Variants in ACO1 observed in about 807,000 individuals in gnomAD.
ACO1 encodes aconitase 1, also known as cytoplasmic aconitate hydratase.
A neutral mutation model predicts 105.1 loss-of-function variants in ACO1; 78 were observed. That is an observed-to-expected ratio of 0.74 (90% CI 0.62 to 0.90). The LOEUF is 0.90. ACO1 is among the 40% of genes least tolerant of loss of function. ACO1 has a pLI of 0.00. For synonymous variants in ACO1, 364 were observed against 397.4 expected (o/e 0.92, Z 1.00); for missense variants, 965 against 1,111.1 (o/e 0.87, Z 1.87).
rs1280277480 is a variant in ACO1 at position 32,450,061 on chromosome 9, TTCCTCAACGGGGGCA to T, written c.2629_2643del (p.Gly877_Asn881del). 34 of 1,613,972 alleles carry T rather than the reference TTCCTCAACGGGGGCA, an allele frequency of 2.1e-5. No individual in the cohort carries two copies. The highest frequency in any genetic ancestry group is 4.4e-5 in the South Asian group (4 of 91,092). Reference sequence around the variant, plus strand: ...TGACACTGATGTGGAGCTCACTTATTTCCTCAACGGGGGCATCCTCAACTACATGATCCGCAAGAT... The same window carrying T: ...TGACACTGATGTGGAGCTCACTTATTTCCTCAACTACATGATCCGCAAGAT... On this transcript the variant is annotated inframe_deletion, in exon 21 of 21. Coordinates refer to ENST00000309951, the MANE Select transcript of ACO1 (RefSeq NM_002197.3).
intron 2 of ACO1, among the ~76,000 whole-genome samples, chr9:32,406,312 A>AAT (rs66987852): frequency 0.96 from 145,995 of 152,210 alleles, 70,202 homozygotes; most frequent in Non-Finnish European, 1. Context: ...TACATGTATA[A>AAT]ATATGTTACT....
intron 4 of ACO1, among the ~76,000 whole-genome samples, chr9:32,411,396 A>G (rs1048612812): frequency 4.6e-5 from 7 of 152,258 alleles, no homozygotes; most frequent in African/African-American, 1.4e-4. Flanking sequence ...TGCGTGTCAG[A>G]TGTCTTGATG....
chr9:32,448,801 G>T (rs185994553), intron 19 of ACO1, 95 bp from the exon 20 acceptor site: 142 of 1,331,526 alleles, frequency 1.1e-4, no homozygotes, highest in Middle Eastern at 5.5e-4. Context: ...TTCCTATTCG[G>T]CCATCATGCC....
At chr9:32,422,183 C>A (rs549938315) in intron 8 of ACO1, among the ~76,000 whole-genome samples, 1 of 152,188 alleles carries the variant, frequency 6.6e-6, no homozygotes, top group Non-Finnish European at 1.5e-5. Context: ...TGGTTAGTTC[C>A]CGTGGTGCTG....
rs376235416 is a variant in ACO1 at position 32,427,422 on chromosome 9, T to C, written c.1470T>C (p.Tyr490=). ...TACAAGAAAGCGGAGTCATGCCTTA[T>C]CTGTCTCAGCTTGGGTGAGGGAGAG... ...YYLQESGVMP[Y]LSQLGFDVVG... Residue 490 remains tyrosine, a synonymous_variant, in exon 12 of 21, where the codon TAT becomes TAC. Transcript: ENST00000309951. 58 of 1,614,126 alleles carry C rather than the reference T, an allele frequency of 3.6e-5. No individual in the cohort carries two copies. The highest frequency in any genetic ancestry group is 4.3e-5 in the Non-Finnish European group (51 of 1,180,046).
At chr9:32,435,157 G>A (rs1800052111) in intron 17 of ACO1, among the ~76,000 whole-genome samples, 1 of 152,132 alleles carries the variant, frequency 6.6e-6, no homozygotes, top group African/African-American at 2.4e-5. Flanking sequence ...TCATAGGTAT[G>A]CCAGTATTAT....
chr9:32,393,839 G>A (rs1821316711), intron 1 of ACO1, among the ~76,000 whole-genome samples: 1 of 152,084 alleles, frequency 6.6e-6, no homozygotes, highest in Admixed American at 6.6e-5. Flanking sequence ...GTTCCCTCCT[G>A]TACCTCCTCA....
At chr9:32,421,374 C>A (rs1821971108) in intron 8 of ACO1, among the ~76,000 whole-genome samples, 1 of 152,150 alleles carries the variant, frequency 6.6e-6, no homozygotes, top group Non-Finnish European at 1.5e-5. Context: ...TTGCTGTCAA[C>A]CTCTTTACAG....
chr9:32,402,467 G>A (rs1821518576), intron 1 of ACO1, among the ~76,000 whole-genome samples: 2 of 152,176 alleles, frequency 1.3e-5, no homozygotes, highest in African/African-American at 2.4e-5. Context: ...AGGAGAGAGT[G>A]GGAGATAAGA....
chr9:32,400,248 G>C (rs1452532775), intron 1 of ACO1, among the ~76,000 whole-genome samples: 1 of 152,050 alleles, frequency 6.6e-6, no homozygotes, highest in Non-Finnish European at 1.5e-5. Context: ...TGGGATTACA[G>C]GTGTAAGCCA....
intron 17 of ACO1, among the ~76,000 whole-genome samples, chr9:32,435,426 CACA>C (rs1822334124): frequency 1.3e-5 from 2 of 152,140 alleles, no homozygotes; most frequent in Admixed American, 1.3e-4. Flanking sequence ...TGCACATACC[CACA>C]ACATTTTGGA....
intron 1 of ACO1, among the ~76,000 whole-genome samples, chr9:32,390,112 T>G (rs1821237511): frequency 1.3e-5 from 2 of 152,256 alleles, no homozygotes; most frequent in African/African-American, 4.8e-5. Context: ...CCTTATACTT[T>G]TCTTCAACAT....
intron 1 of ACO1, among the ~76,000 whole-genome samples, chr9:32,393,202 G>A (rs971003351): frequency 1.3e-5 from 2 of 152,198 alleles, no homozygotes; most frequent in African/African-American, 4.8e-5. Context: ...TCTTTCTAAA[G>A]CAAATGGGAG....
Position 32,451,758 on chromosome 9 carries a change from T to TA in ACO1, c.*1653dup, listed in dbSNP as rs1822771169. 1 of 152,178 alleles carries TA rather than the reference T, an allele frequency of 6.6e-6. No homozygotes were observed. The highest frequency in any genetic ancestry group is 6.5e-5 in the Admixed American group (1 of 15,272). 9.4% of individuals were successfully genotyped at this position (152,178 alleles called of 1,614,324 possible). ...CCTGGGGATCTTATTTATATTCATT[T>TA]AAAAAATAAATTACAAACAAACAGC... is the stretch of plus-strand genomic sequence containing the variant. On this transcript the variant is annotated 3_prime_UTR_variant, in exon 21 of 21. Transcript: ENST00000309951.
At chr9:32,399,144 A>T (rs1304638111) in intron 1 of ACO1, among the ~76,000 whole-genome samples, 1 of 152,162 alleles carries the variant, frequency 6.6e-6, no homozygotes, top group Non-Finnish European at 1.5e-5. Flanking sequence ...ATATCTCAAG[A>T]CCAAGTAGAG....
At chr9:32,436,559 T>A (rs1587550373) in intron 18 of ACO1, among the ~76,000 whole-genome samples, 162 bp downstream of exon 18, 1 of 152,330 alleles carries the variant, frequency 6.6e-6, no homozygotes, top group East Asian at 1.9e-4. Flanking sequence ...ATAGAATGTA[T>A]CATTGACAAA....
chr9:32,434,827 C>G, intron 17 of ACO1, 126 bp downstream of exon 17: 1 of 1,160,990 alleles, frequency 8.6e-7, no homozygotes, highest in Non-Finnish European at 1.2e-6. Flanking sequence ...GAGGCTTAAC[C>G]CTGGGGTAAA....
rs1034863380 is a variant in ACO1, at chr9:32,439,099, C to T, written c.2248-1366C>T. On this transcript the variant is annotated intron_variant, in intron 18 of 20. Transcript: ENST00000309951. This position sits in a 1 kb window ranked among gnomAD's most constrained non-coding sequence, Gnocchi z 4.0. The stretch of plus-strand genomic sequence containing the variant: ...TCAGGAGACGTGAGTTCTAGACCTG[C>T]TTAGTCCCTCTGATCTTGGGTAACA... Among the ~76,000 whole-genome samples, 1 of 152,172 alleles carries T rather than the reference C, an allele frequency of 6.6e-6. No individual in the cohort carries two copies. Among genetic ancestry groups the T allele is most frequent in the Non-Finnish European group, 1.5e-5 (1 of 68,028 alleles).
At chr9:32,428,334 G>A (rs1003968546) in intron 12 of ACO1, among the ~76,000 whole-genome samples, 15 of 149,938 alleles carry the variant, frequency 1.0e-4, no homozygotes, top group South Asian at 2.1e-4. Flanking sequence ...GGCCTACACC[G>A]GGTCAGGATT....
Sources: allele counts gnomAD v4.1 joint callset (sites outside exome capture counted in the v4.1 genomes callset), GRCh38; gene constraint gnomAD v4.1.1; non-coding constraint Gnocchi (gnomAD v3.1); transcripts MANE v1.5; gene names NCBI Gene and HGNC (gene_info 2026-07-23, HGNC 2026-07-21).